The following ALPK3 variants were observed in gnomAD, a reference collection of about 807,000 sequenced individuals.
The protein encoded by ALPK3 is alpha kinase 3.
ALPK3 carries 102 observed loss-of-function variants against 140.0 expected under a neutral mutation model. The ratio of observed to expected loss-of-function variants is 0.73; its 90% CI spans 0.62 to 0.86. The LOEUF is 0.86. Among genes scored for constraint, ALPK3 ranks in the 40% least tolerant of loss-of-function variants. The pLI is 0.00. For synonymous variants in ALPK3, 938 were observed against 898.5 expected (o/e 1.04, Z -0.79); for missense variants, 2,254 against 2,208.2 (o/e 1.02, Z -0.42).
chr15:84,840,938 T>G lies in ALPK3; in HGVS notation c.1653+6T>G, dbSNP rs747301491. The G allele has an allele frequency of 7.7e-6, 12 of 1,559,450 alleles. No homozygotes were observed. The highest frequency in any genetic ancestry group is 2.7e-5 in the African/African-American group (2 of 72,736). On this transcript the variant is annotated splice_donor_region_variant and intron_variant, in intron 5 of 13. Coordinates refer to ENST00000258888, the MANE Select transcript of ALPK3 (RefSeq NM_020778.5). The stretch of plus-strand genomic sequence containing the variant: ...GCCACAGGACTCCAGGAGAGGTAAG[T>G]GTGGGTGTTGGGTGCCTGGAGGCCG...
At chr15:84,834,648 A>G (rs1414627963) in intron 3 of ALPK3, among the ~76,000 whole-genome samples, 1 of 152,234 alleles carries the variant, frequency 6.6e-6, no homozygotes, top group Non-Finnish European at 1.5e-5. Flanking sequence ...TGAACTGGGA[A>G]TGGTTGGGAC....
intron 13 of ALPK3, among the ~76,000 whole-genome samples, 189 bp from the exon 14 acceptor site, chr15:84,867,922 T>A (rs924569503): frequency 6.6e-6 from 1 of 151,938 alleles, no homozygotes; most frequent in Non-Finnish European, 1.5e-5. Flanking sequence ...TCTATTTTTT[T>A]AAAAAGAAAA....
intron 3 of ALPK3, among the ~76,000 whole-genome samples, chr15:84,837,825 G>A (rs1596148957): frequency 6.6e-6 from 1 of 152,208 alleles, no homozygotes; most frequent in Non-Finnish European, 1.5e-5. Context: ...ATCTCTCACT[G>A]TAGTGTTTGC....
At position 84,870,712 on chromosome 15, in the gene ALPK3, A is replaced by T. The variant is rs1964060262; in HGVS notation, c.*2256A>T. On this transcript the variant is annotated 3_prime_UTR_variant, in exon 14 of 14. Transcript: ENST00000258888. ...TCTAGTGGGTCCCCTTCCACTCAAGATTCAAATTCCAAGTGAAAGAACCTG... is the reference window on the plus strand; with the variant it reads ...TCTAGTGGGTCCCCTTCCACTCAAGTTTCAAATTCCAAGTGAAAGAACCTG... The T allele has an allele frequency of 6.6e-6, 1 of 152,214 alleles. No individual in the cohort carries two copies. The highest frequency in any genetic ancestry group is 2.4e-5 in the African/African-American group (1 of 41,442). 9.4% of individuals were successfully genotyped at this position (152,214 alleles called of 1,614,324 possible).
Position 84,839,741 on chromosome 15 carries a change from C to T in ALPK3, c.462C>T (p.Ala154=), listed in dbSNP as rs1223783799. The T allele has an allele frequency of 1.2e-6, 2 of 1,613,726 alleles. No homozygotes were observed. The highest frequency in any genetic ancestry group is 2.2e-5 in the East Asian group (1 of 44,846). The change falls in exon 5 of 14, where the codon GCC becomes GCT. Residue 154 remains alanine (A), a synonymous_variant. Transcript: ENST00000258888. ...EEDAAIYQAS[A]QNSKGIVSCS... is the part of the protein sequence containing the mutation. ...ATGCCGCCATCTACCAGGCCTCTGC[C>T]CAGAACAGCAAGGGCATTGTGTCCT...
At chr15:84,835,247 T>C (rs1000922299) in intron 3 of ALPK3, among the ~76,000 whole-genome samples, 5 of 152,212 alleles carry the variant, frequency 3.3e-5, no homozygotes, top group African/African-American at 1.2e-4. Flanking sequence ...CACAGTGATG[T>C]AACCAGGGGG....
chr15:84,836,491 T>C (rs865915789), intron 3 of ALPK3, among the ~76,000 whole-genome samples: 3 of 152,102 alleles, frequency 2.0e-5, no homozygotes, highest in Non-Finnish European at 4.4e-5. Flanking sequence ...ATTCTAGATA[T>C]ATTCTAAGGG....
intron 12 of ALPK3, among the ~76,000 whole-genome samples, chr15:84,865,896 G>A (rs937648151): frequency 2.0e-5 from 3 of 152,136 alleles, no homozygotes; most frequent in African/African-American, 4.8e-5. Context: ...AGCCAAGATT[G>A]CACTACTGCA....
Position 84,827,464 on chromosome 15 carries a change from T to C in ALPK3, c.183-20T>C. On this transcript the variant is annotated intron_variant, in intron 2 of 13. Coordinates refer to ENST00000258888, the MANE Select transcript of ALPK3 (RefSeq NM_020778.5). ...TGTTGTGGGGAAGGCCAGCTCTGAATAGCTCTTTGCCTCTCTTAGGAGCAC... is the reference window on the plus strand; with the variant it reads ...TGTTGTGGGGAAGGCCAGCTCTGAACAGCTCTTTGCCTCTCTTAGGAGCAC... The C allele has an allele frequency of 6.2e-7, 1 of 1,613,880 alleles. No homozygotes were observed. Among genetic ancestry groups the C allele is most frequent in the Non-Finnish European group, 8.5e-7 (1 of 1,180,012 alleles).
At chr15:84,837,808 T>A (rs1326180235) in intron 3 of ALPK3, among the ~76,000 whole-genome samples, 2 of 152,208 alleles carry the variant, frequency 1.3e-5, no homozygotes, top group Non-Finnish European at 2.9e-5. Flanking sequence ...ATCAACTTCC[T>A]TTTTCCATCT....
intron 5 of ALPK3, among the ~76,000 whole-genome samples, chr15:84,844,914 A>G (rs1963711436): frequency 6.6e-6 from 1 of 152,202 alleles, no homozygotes. Context: ...CAGAGCTGAA[A>G]AATACAATAA....
At chr15:84,851,424 A>G (rs1256068463) in intron 5 of ALPK3, among the ~76,000 whole-genome samples, 1 of 152,078 alleles carries the variant, frequency 6.6e-6, no homozygotes, top group Non-Finnish European at 1.5e-5. Context: ...TTCCTTATAT[A>G]TTTTCATTTT....
Position 84,856,441 on chromosome 15 carries a change from G to A in ALPK3, c.1703G>A (p.Ser568Asn). The change falls in exon 6 of 14, where the codon AGC becomes AAC. Residue 568 changes from serine to asparagine, a missense_variant. Ser to Asn is a conservative substitution (Grantham distance 46). Coordinates refer to ENST00000258888, the MANE Select transcript of ALPK3 (RefSeq NM_020778.5). ...GCTCCTACCATGTCGGCCAGCAGCA[G>A]CTCTGATGTAGCCTCCATTGGGGTT... ...TTAPTMSASS[S>N]SDVASIGVST... 6.2e-7 allele frequency: 1 copy of A among 1,612,982 alleles called. No individual in the cohort carries two copies. The highest frequency in any genetic ancestry group is 8.5e-7 in the Non-Finnish European group (1 of 1,179,542).
At chr15:84,851,677 T>C (rs1372638768) in intron 5 of ALPK3, among the ~76,000 whole-genome samples, 1 of 152,222 alleles carries the variant, frequency 6.6e-6, no homozygotes, top group East Asian at 1.9e-4. Context: ...TTATACTTTC[T>C]ATCCTTTACC....
At chr15:84,817,909 G>T (rs1463791719) in intron 1 of ALPK3, among the ~76,000 whole-genome samples, 1 of 152,184 alleles carries the variant, frequency 6.6e-6, no homozygotes, top group African/African-American at 2.4e-5. Flanking sequence ...CTACTCCCTG[G>T]CTTGGGATTC....
chr15:84,862,656 C>T lies in ALPK3; in HGVS notation c.4151C>T (p.Thr1384Ile), dbSNP rs1230900030. 1 of 1,613,610 alleles carries T rather than the reference C, an allele frequency of 6.2e-7. No individual in the cohort carries two copies. The highest frequency in any genetic ancestry group is 8.5e-7 in the Non-Finnish European group (1 of 1,179,770). ...TCAGTTGGAGAAGAGATTGAGATGACCCCTATGGTGTTTGCTAAGGGTCTG... is the reference window on the plus strand; with the variant it reads ...TCAGTTGGAGAAGAGATTGAGATGATCCCTATGGTGTTTGCTAAGGGTCTG... The part of the protein sequence containing the change: ...EGEVGEEIEM[T>I]PMVFAKGLAD... The change falls in exon 10 of 14, where the codon ACC becomes ATC. Residue 1384 changes from threonine to isoleucine, a missense_variant. This residue lies in a region of ALPK3 where 2,088 missense variants were observed against 2,022.9 expected (regional missense o/e 1.03). Transcript: ENST00000258888.
At chr15:84,827,628 C>A in intron 3 of ALPK3, 23 bp downstream of exon 3, 1 of 1,613,358 alleles carries the variant, frequency 6.2e-7, no homozygotes, top group Non-Finnish European at 8.5e-7. Flanking sequence ...TCTGTATGCT[C>A]CATGCCAGGG....
chr15:84,872,051 G>A lies in ALPK3; in HGVS notation c.*3595G>A, dbSNP rs771085441. On this transcript the variant is annotated 3_prime_UTR_variant, in exon 14 of 14. Transcript: ENST00000258888. Reference sequence around the variant, plus strand: ...GACAGTGAGTGAGCTACCCACACACGACCCACTGGTGCCTTCAGAGCCTTA... The same window carrying A: ...GACAGTGAGTGAGCTACCCACACACAACCCACTGGTGCCTTCAGAGCCTTA... 2.6e-5 allele frequency: 4 copies of A among 152,296 alleles called. No individual in the cohort carries two copies. Among genetic ancestry groups the A allele is most frequent in the East Asian group, 1.9e-4 (1 of 5,206 alleles). The allele number at this position is 152,296 out of a possible 1,614,324, so 9.4% of individuals were successfully genotyped here. A position where few individuals can be genotyped will look rare whatever the true frequency, so the allele number is the denominator to read the frequency against.
At chr15:84,835,004 G>C (rs923475454) in intron 3 of ALPK3, among the ~76,000 whole-genome samples, 1 of 152,238 alleles carries the variant, frequency 6.6e-6, no homozygotes, top group Non-Finnish European at 1.5e-5. Context: ...GGCAGCACCA[G>C]AGGGTGGCAT....
Sources: gnomAD v4.1 joint callset for allele counts (sites outside exome capture counted in the v4.1 genomes callset) on GRCh38, gnomAD v4.1.1 for gene constraint, gnomAD v4.1.1 regional missense constraint, MANE v1.5 for transcripts, NCBI Gene and HGNC (gene_info 2026-07-23, HGNC 2026-07-21) for gene names.